The following PRRX1 variants were observed in gnomAD, a reference collection of about 807,000 sequenced individuals.
PRRX1 encodes paired mesoderm homeobox protein 1.
Under a neutral mutation model 24.0 loss-of-function variants are expected in PRRX1, and 8 were observed. The ratio of observed to expected loss-of-function variants is 0.33; its 90% confidence interval spans 0.20 to 0.60. PRRX1 has a LOEUF of 0.60. PRRX1 is among the 20% of genes least tolerant of loss of function. PRRX1 has a pLI of 0.82. For synonymous variants in PRRX1, 160 were observed against 131.7 expected (o/e 1.22, Z -1.47); for missense variants, 281 against 322.4 (o/e 0.87, Z 0.98).
chr1:170,708,109 A>T (rs1174811771), intron 1 of PRRX1, among the ~76,000 whole-genome samples: 1 of 152,170 alleles, frequency 6.6e-6, no homozygotes, highest in Non-Finnish European at 1.5e-5. Context: ...TGAGCAGTGT[A>T]AATTCTTCTT....
intron 1 of PRRX1, among the ~76,000 whole-genome samples, chr1:170,687,989 T>C (rs535234249): frequency 6.6e-6 from 1 of 152,078 alleles, no homozygotes; most frequent in Non-Finnish European, 1.5e-5. Flanking sequence ...GAAAGAGAAA[T>C]AGCTAATCAT....
chr1:170,706,461 A>G (rs1382102925), intron 1 of PRRX1, among the ~76,000 whole-genome samples: 2 of 152,200 alleles, frequency 1.3e-5, no homozygotes, highest in African/African-American at 2.4e-5. Flanking sequence ...CAGTAATAGA[A>G]ACCTAGATTG....
rs568270396 is a variant in PRRX1 at position 170,675,350 on chromosome 1, T to G, written c.241+10891T>G. Among the ~76,000 whole-genome samples the G allele has an allele frequency of 2.0e-5, 3 of 152,276 alleles. No homozygotes were observed. In the South Asian group the frequency reaches 6.2e-4, roughly 32 times the overall value. ...AGAGAACTACTGCTCCAAAAATCAA[T>G]TTTTACATGATTTGGTGAGGAAGAG... On this transcript the variant is annotated intron_variant, in intron 1 of 3. Coordinates refer to ENST00000239461, the MANE Select transcript of PRRX1 (RefSeq NM_022716.4).
upstream of PRRX1, chr1:170,663,839 C>T (rs1299609199): frequency 1.1e-5 from 2 of 189,292 alleles, no homozygotes; most frequent in Admixed American, 5.7e-5. Flanking sequence ...TATTTTTAGT[C>T]TGTGCGTGTG....
chr1:170,688,936 A>C (rs1571323691), intron 1 of PRRX1, among the ~76,000 whole-genome samples: 1 of 152,192 alleles, frequency 6.6e-6, no homozygotes, highest in South Asian at 2.1e-4. Context: ...TTTGGTTTTT[A>C]GTTCTGTGAC....
intron 1 of PRRX1, among the ~76,000 whole-genome samples, chr1:170,670,149 G>A (rs1403740819): frequency 2.6e-5 from 4 of 152,144 alleles, no homozygotes; most frequent in African/African-American, 9.7e-5. Context: ...AGTGTACACC[G>A]TTGTAATCTT....
At chr1:170,691,790 C>T (rs145682805) in intron 1 of PRRX1, among the ~76,000 whole-genome samples, 48 of 151,978 alleles carry the variant, frequency 3.2e-4, no homozygotes, top group East Asian at 1.9e-4. Flanking sequence ...GAAGCATAGT[C>T]CAAATGGTTT....
chr1:170,673,538 C>T (rs1653209943), intron 1 of PRRX1, among the ~76,000 whole-genome samples: 1 of 152,178 alleles, frequency 6.6e-6, no homozygotes, highest in Admixed American at 6.5e-5. Context: ...TTTTAATAAC[C>T]ATCTATATAC....
At chr1:170,674,132 C>T (rs1389776376) in intron 1 of PRRX1, among the ~76,000 whole-genome samples, 8 of 152,178 alleles carry the variant, frequency 5.3e-5, no homozygotes, top group Non-Finnish European at 4.4e-5. Context: ...TTTTAAAAAT[C>T]ACTCTTGATA....
At position 170,664,147 on chromosome 1, in the gene PRRX1, C is replaced by A. The variant is rs1005396737; in HGVS notation, c.-72C>A. On this transcript the variant is annotated 5_prime_UTR_variant, in exon 1 of 4. Transcript: ENST00000239461. ...TTCTTCCCCACTCGGCTCCTCTCCC[C>A]CCTCGCGCCCACAGCGTTTGGTGTT... 3.3e-5 allele frequency: 49 copies of A among 1,497,376 alleles called. No homozygotes were observed. The highest frequency in any genetic ancestry group is 5.2e-5 in the South Asian group (4 of 76,588). The allele number at this position is 1,497,376 out of a possible 1,614,324, so 92.8% of individuals were successfully genotyped here.
intron 1 of PRRX1, among the ~76,000 whole-genome samples, chr1:170,666,853 G>A (rs1320844436): frequency 1.3e-5 from 2 of 152,068 alleles, no homozygotes; most frequent in African/African-American, 2.4e-5. Context: ...GAGCCGGGCT[G>A]GCCAGAGGAA....
chr1:170,720,004 A>G (rs1028855572), intron 2 of PRRX1, 103 bp downstream of exon 2: 23 of 1,439,290 alleles, frequency 1.6e-5, no homozygotes, highest in Middle Eastern at 4.8e-4. Flanking sequence ...ACAGTGGCTC[A>G]TGCCTGCAAT....
intron 1 of PRRX1, among the ~76,000 whole-genome samples, chr1:170,712,522 G>A (rs1654782872): frequency 6.6e-6 from 1 of 152,198 alleles, no homozygotes; most frequent in Non-Finnish European, 1.5e-5. Flanking sequence ...CAAAGAGTGA[G>A]CAGAAGAGTA....
At chr1:170,720,224 G>A (rs1406019218) in intron 2 of PRRX1, among the ~76,000 whole-genome samples, 1 of 152,188 alleles carries the variant, frequency 6.6e-6, no homozygotes, top group Non-Finnish European at 1.5e-5. Flanking sequence ...GTTGCAGTGA[G>A]CTGAGATCAC....
At chr1:170,676,254 A>G (rs1260109160) in intron 1 of PRRX1, among the ~76,000 whole-genome samples, 1 of 152,154 alleles carries the variant, frequency 6.6e-6, no homozygotes, top group Non-Finnish European at 1.5e-5. Flanking sequence ...AGCTTTCCTC[A>G]GGGAAGAAAT....
chr1:170,732,996 A>C (rs1655487042), intron 3 of PRRX1, among the ~76,000 whole-genome samples: 1 of 152,272 alleles, frequency 6.6e-6, no homozygotes, highest in Middle Eastern at 3.4e-3. Context: ...TTATGTGAAA[A>C]ATGTGCCAGT....
rs1655637373 is a variant in PRRX1, at chr1:170,737,126, T to C, written c.*940T>C. The C allele has an allele frequency of 5.8e-6, 1 of 172,678 alleles. No homozygotes were observed. The highest frequency in any genetic ancestry group is 2.0e-4 in the South Asian group (1 of 4,988). 10.7% of individuals were successfully genotyped at this position (172,678 alleles called of 1,614,324 possible). On this transcript the variant is annotated 3_prime_UTR_variant, in exon 4 of 4. Coordinates refer to ENST00000239461, the MANE Select transcript of PRRX1 (RefSeq NM_022716.4). ...GCCTTAAGGATAGTGAGATGCACAC[T>C]TATATATATACTGTATATATTTATA...
chr1:170,713,165 A>G (rs562034052), intron 1 of PRRX1, among the ~76,000 whole-genome samples: 123 of 152,326 alleles, frequency 8.1e-4, no homozygotes, highest in African/African-American at 2.7e-3. Context: ...CTGATTATTC[A>G]CTTACTGAAC....
rs1342020172 is a variant in PRRX1 at position 170,737,901 on chromosome 1, GAAAGGGACTAT to G, written c.*1719_*1729del. On this transcript the variant is annotated 3_prime_UTR_variant, in exon 4 of 4. Transcript: ENST00000239461. ...GTCCAGCACTTTGTAGCCATGGGAG[GAAAGGGACTAT>G]AAAAGTGTACAATGTTAATGGAATG... 6.0e-5 allele frequency: 13 copies of G among 216,474 alleles called. No individual in the cohort carries two copies. Among genetic ancestry groups the G allele is most frequent in the Non-Finnish European group, 1.9e-5 (2 of 107,374 alleles). The allele number at this position is 216,474 out of a possible 1,614,324, so 13.4% of individuals were successfully genotyped here.
Sources: allele counts gnomAD v4.1 joint callset (sites outside exome capture counted in the v4.1 genomes callset), GRCh38; gene constraint gnomAD v4.1.1; transcripts MANE v1.5; gene names NCBI Gene and HGNC (gene_info 2026-07-23, HGNC 2026-07-21).